Variants in KIAA1614 observed in about 807,000 individuals in gnomAD.
KIAA1614 encodes the protein KIAA1614, also known as uncharacterized protein KIAA1614.
Under a neutral mutation model 88.7 loss-of-function variants are expected in KIAA1614, and 76 were observed. The observed-to-expected ratio is 0.86, with a 90% CI of 0.71 to 1.04. The LOEUF (loss-of-function observed/expected upper bound fraction) is 1.04, where lower values mean the gene tolerates loss of function less well. Among genes scored for constraint, KIAA1614 ranks in the 50% least tolerant of loss-of-function variants. The pLI is 0.00. For missense variants in KIAA1614, 1,553 were observed against 1,582.5 expected (o/e 0.98, Z 0.32); for synonymous variants, 714 against 675.5 (o/e 1.06, Z -0.88).
intron 1 of KIAA1614, among the ~76,000 whole-genome samples, chr1:180,915,074 G>T (rs889421342): frequency 6.6e-6 from 1 of 152,242 alleles, no homozygotes; most frequent in Non-Finnish European, 1.5e-5. Context: ...AAAATGCTGG[G>T]ATTACAGGTG....
chr1:180,948,513 A>G lies in KIAA1614; in HGVS notation c.*2925A>G, dbSNP rs1020994492. The G allele has an allele frequency of 5.3e-5, 8 of 152,196 alleles. No homozygotes were observed. The highest frequency in any genetic ancestry group is 3.3e-4 in the Admixed American group (5 of 15,286). 9.4% of individuals were successfully genotyped at this position (152,196 alleles called of 1,614,324 possible). ...GCGAAACCTACCCGAGTCTCCCCAA[A>G]ATGGCAGGCGTGACGTCAGTGTCTG... On this transcript the variant is annotated 3_prime_UTR_variant, in exon 9 of 9. Transcript: ENST00000367588.
chr1:180,942,443 C>G (rs987610050), intron 7 of KIAA1614, among the ~76,000 whole-genome samples: 8 of 152,228 alleles, frequency 5.3e-5, no homozygotes, highest in African/African-American at 1.9e-4. Context: ...GTTTGCGTCG[C>G]TGGCGCCTTT....
intron 6 of KIAA1614, 144 bp from the exon 7 acceptor site, chr1:180,940,901 C>A: frequency 2.8e-6 from 2 of 709,430 alleles, no homozygotes; most frequent in Non-Finnish European, 4.7e-6. Context: ...CTTTCTACAG[C>A]CTGGTTGTTA....
intron 3 of KIAA1614, among the ~76,000 whole-genome samples, chr1:180,927,537 G>A (rs1209364328): frequency 3.3e-5 from 5 of 152,306 alleles, no homozygotes; most frequent in African/African-American, 4.8e-5. Flanking sequence ...ACCTGCCCTC[G>A]GCCAGCCTGG....
intron 3 of KIAA1614, among the ~76,000 whole-genome samples, chr1:180,918,843 A>T (rs1653883062): frequency 6.6e-6 from 1 of 152,188 alleles, no homozygotes; most frequent in Non-Finnish European, 1.5e-5. Context: ...AAGCCTATAG[A>T]GGCTGGGTGG....
rs774979903 is a variant in KIAA1614 at position 180,935,289 on chromosome 1, C to A, written c.1380C>A (p.Ala460=). The A allele has an allele frequency of 6.7e-7, 1 of 1,501,088 alleles. No individual in the cohort carries two copies. Among genetic ancestry groups the A allele is most frequent in the Non-Finnish European group, 8.9e-7 (1 of 1,128,824 alleles). The allele number at this position is 1,501,088 out of a possible 1,614,324, so 93.0% of individuals were successfully genotyped here. A position where few individuals can be genotyped will look rare whatever the true frequency, so the allele number is the denominator to read the frequency against. ...VRFEDESARE[A]EFRHLERLQQ... Reference sequence around the variant, plus strand: ...TTGAGGATGAGTCCGCCCGCGAAGCCGAGTTCCGTCACCTGGAGCGGCTGC... The same window carrying A: ...TTGAGGATGAGTCCGCCCGCGAAGCAGAGTTCCGTCACCTGGAGCGGCTGC... The change falls in exon 5 of 9, where the codon GCC becomes GCA. Residue 460 remains alanine (A), a synonymous_variant. Coordinates refer to ENST00000367588, the MANE Select transcript of KIAA1614 (RefSeq NM_020950.2). This position sits in a 1 kb window ranked among gnomAD's most constrained non-coding sequence, Gnocchi z 6.1.
Position 180,916,478 on chromosome 1 carries a change from A to G in KIAA1614, c.375A>G (p.Arg125=). The part of the protein sequence containing the change: ...KPQCRRGKAG[R]AGTPSEGSFL... ...AATGCAGACGAGGCAAGGCAGGGAG[A>G]GCCGGGACTCCATCAGAGGGGTCTT... The change falls in exon 2 of 9, where the codon AGA becomes AGG. Residue 125 remains arginine (R), a synonymous_variant. Transcript: ENST00000367588. 6.2e-7 allele frequency: 1 copy of G among 1,614,062 alleles called. No homozygotes were observed. Among genetic ancestry groups the G allele is most frequent in the Non-Finnish European group, 8.5e-7 (1 of 1,180,012 alleles).
intron 4 of KIAA1614, among the ~76,000 whole-genome samples, chr1:180,929,125 T>C (rs1026927845): frequency 6.6e-6 from 1 of 152,228 alleles, no homozygotes; most frequent in Non-Finnish European, 1.5e-5. Flanking sequence ...TCTGCAGAAG[T>C]CTGTGTGCCT....
intron 4 of KIAA1614, among the ~76,000 whole-genome samples, chr1:180,928,814 G>T (rs887294643): frequency 6.6e-6 from 1 of 150,752 alleles, no homozygotes; most frequent in Non-Finnish European, 1.5e-5. Flanking sequence ...TCCCTGGGGG[G>T]ATGGAGGTCA....
At chr1:180,940,959 G>A (rs1654445436) in intron 6 of KIAA1614, 86 bp from the exon 7 acceptor site, 6 of 1,194,572 alleles carry the variant, frequency 5.0e-6, no homozygotes, top group Admixed American at 2.5e-5. Flanking sequence ...GCCCATCTGC[G>A]GCCCTTGAGA....
rs745368430 is a variant in KIAA1614, at chr1:180,935,947, G to A, written c.2038G>A (p.Ala680Thr). 2 of 1,614,060 alleles carry A rather than the reference G, an allele frequency of 1.2e-6. No individual in the cohort carries two copies. The highest frequency in any genetic ancestry group is 2.2e-5 in the South Asian group (2 of 91,092). ...GLQAQQHLPR[A>T]DDVEVENEVK... ...TCAGGCCCAGCAACACCTGCCTAGGGCTGATGATGTGGAGGTGGAAAATGA... is the reference window on the plus strand; with the variant it reads ...TCAGGCCCAGCAACACCTGCCTAGGACTGATGATGTGGAGGTGGAAAATGA... Residue 680 changes from alanine (A) to threonine (T), a missense_variant, in exon 5 of 9, where the codon GCT becomes ACT. Coordinates refer to ENST00000367588, the MANE Select transcript of KIAA1614 (RefSeq NM_020950.2). The surrounding 1 kb of genome is among the most constrained non-coding windows in gnomAD (Gnocchi z 6.1).
At position 180,917,595 on chromosome 1, in the gene KIAA1614, G is replaced by A. The variant is rs763061330; in HGVS notation, c.998-256G>A. ...TAGAGGACAGCCTCTTTCCCCTCCC[G>A]CCTTCTCATTCCAAAATCTCACAAG... On this transcript the variant is annotated intron_variant, in intron 2 of 8. Coordinates refer to ENST00000367588, the MANE Select transcript of KIAA1614 (RefSeq NM_020950.2). 5.9e-4 allele frequency among the ~76,000 whole-genome samples: 90 copies of A among 152,004 alleles called. 1 individual carries two copies. Among genetic ancestry groups the A allele is most frequent in the Non-Finnish European group, 7.9e-4 (54 of 68,002 alleles).
intron 4 of KIAA1614, among the ~76,000 whole-genome samples, chr1:180,934,522 C>G (rs532943888): frequency 1.3e-5 from 2 of 151,590 alleles, no homozygotes; most frequent in African/African-American, 4.8e-5. Flanking sequence ...CCCCAGAGAT[C>G]GAGGCTGTAG....
chr1:180,933,237 G>C (rs1654241617), intron 4 of KIAA1614, among the ~76,000 whole-genome samples: 1 of 152,198 alleles, frequency 6.6e-6, no homozygotes, highest in African/African-American at 2.4e-5. Context: ...AGGCAGGAGG[G>C]TTGCATGAGG....
At chr1:180,924,886 A>AAATAATAATAATAATAATAATAAT (rs10522338) in intron 3 of KIAA1614, among the ~76,000 whole-genome samples, 24,634 of 142,356 alleles carry the variant, frequency 0.17, 2,697 homozygotes, top group Non-Finnish European at 0.25. Context: ...GCTAATGATA[A>AAATAATAATAATAATAATAATAAT]AATAATAATA....
chr1:180,922,487 G>GT (rs1172096824), intron 3 of KIAA1614, among the ~76,000 whole-genome samples: 1 of 152,048 alleles, frequency 6.6e-6, no homozygotes, highest in Non-Finnish European at 1.5e-5. Flanking sequence ...TCCTTGGGGG[G>GT]TAAAAACTCC....
chr1:180,913,329 C>CG, intron 1 of KIAA1614, 36 bp downstream of exon 1: 1 of 1,226,202 alleles, frequency 8.2e-7, no homozygotes, highest in Non-Finnish European at 1.0e-6. Flanking sequence ...GCCGGCCGGG[C>CG]GGGGGTGGCG....
intron 3 of KIAA1614, among the ~76,000 whole-genome samples, chr1:180,924,886 A>AATAATAATAATAATAATAAT (rs1553258598): frequency 7.0e-6 from 1 of 142,640 alleles, no homozygotes; most frequent in Non-Finnish European, 1.5e-5. Context: ...GCTAATGATA[A>AATAATAATAATAATAATAAT]AATAATAATA....
intron 4 of KIAA1614, among the ~76,000 whole-genome samples, chr1:180,930,690 T>C (rs1478772465): frequency 1.3e-5 from 2 of 152,230 alleles, no homozygotes; most frequent in Non-Finnish European, 2.9e-5. Flanking sequence ...GGCTCCCTTT[T>C]GCAGGCTGTC....
Sources: gnomAD v4.1 joint callset for allele counts (sites outside exome capture counted in the v4.1 genomes callset) on GRCh38, gnomAD v4.1.1 for gene constraint, Gnocchi (gnomAD v3.1) non-coding constraint, MANE v1.5 for transcripts, NCBI Gene and HGNC (gene_info 2026-07-23, HGNC 2026-07-21) for gene names.